RBFOX3: variants seen among roughly 807,000 people sequenced by gnomAD.
RBFOX3 encodes RNA binding protein fox-1 homolog 3.
In RBFOX3, 17 loss-of-function variants were observed where a neutral mutation model predicts 48.7. The observed-to-expected ratio is 0.35, with a 90% CI of 0.24 to 0.52. The LOEUF (loss-of-function observed/expected upper bound fraction) is 0.52, where lower values mean the gene tolerates loss of function less well. Ranked by LOEUF, RBFOX3 falls within the 20% of genes least tolerant of loss-of-function variation. The pLI, the probability that RBFOX3 is intolerant of heterozygous loss-of-function variation, is 0.94. For synonymous variants in RBFOX3, 212 were observed against 209.5 expected, an observed-to-expected ratio of 1.01 and a Z score of -0.10; for missense variants, 382 against 497.5, an observed-to-expected ratio of 0.77 and a Z score of 2.21.
intron 4 of RBFOX3, among the ~76,000 whole-genome samples, chr17:79,155,172 G>A (rs538781679): frequency 2.2e-4 from 33 of 152,356 alleles, no homozygotes; most frequent in African/African-American, 7.0e-4. Flanking sequence ...GTCCCTCCCC[G>A]CCCGGGGCTC....
chr17:79,221,562 G>A lies in RBFOX3; in HGVS notation c.-34+14204C>T, dbSNP rs181204824. Among the ~76,000 whole-genome samples, 385 of 152,358 alleles carry A rather than the reference G, an allele frequency of 2.5e-3. 4 individuals are homozygous for A. The highest frequency in any genetic ancestry group is 3.6e-3 in the Non-Finnish European group (247 of 68,030). Reference sequence around the variant, plus strand: ...AAACACCCAGGACTTTCCTTCCCTGGAGGGTAACTTGGGTCCCCCAACCCA... The same window carrying A: ...AAACACCCAGGACTTTCCTTCCCTGAAGGGTAACTTGGGTCCCCCAACCCA... On this transcript the variant is annotated intron_variant, in intron 4 of 14. Transcript: ENST00000693108.
At chr17:79,174,412 G>A (rs527938356) in intron 4 of RBFOX3, among the ~76,000 whole-genome samples, 110 of 149,050 alleles carry the variant, frequency 7.4e-4, no homozygotes, top group African/African-American at 2.5e-3. Context: ...ACTCAGACAC[G>A]CACACATGCA....
At chr17:79,442,894 C>T (rs1448161241) in intron 2 of RBFOX3, among the ~76,000 whole-genome samples, 2 of 152,174 alleles carry the variant, frequency 1.3e-5, no homozygotes, top group Non-Finnish European at 2.9e-5. Flanking sequence ...GATTCCACTC[C>T]TTGCTTCTGG....
At chr17:79,536,841 T>A (rs2088851188) in intron 1 of RBFOX3, among the ~76,000 whole-genome samples, 1 of 152,106 alleles carries the variant, frequency 6.6e-6, no homozygotes, top group Non-Finnish European at 1.5e-5. Flanking sequence ...ATCCCAGCGC[T>A]TTGGGAGGCC....
chr17:79,143,677 C>T lies in RBFOX3; in HGVS notation c.-33-27929G>A, dbSNP rs754875648. Among the ~76,000 whole-genome samples the T allele has an allele frequency of 8.5e-5, 13 of 152,308 alleles. No individual in the cohort carries two copies. The South Asian group carries it at 1.2e-3, about 15-fold the overall frequency. On this transcript the variant is annotated intron_variant, in intron 4 of 14. Coordinates refer to ENST00000693108, the MANE Select transcript of RBFOX3 (RefSeq NM_001350451.2). ...TGCAGGAGCTCCCTAGGGACAGGAA[C>T]GGGGTAGGGGACCGTCGTCCTCCAG...
chr17:79,413,210 G>A (rs952960174), intron 2 of RBFOX3, among the ~76,000 whole-genome samples: 3 of 152,190 alleles, frequency 2.0e-5, no homozygotes, highest in East Asian at 1.9e-4. Context: ...AGGGCAGGCC[G>A]GGGCACCCCT....
intron 1 of RBFOX3, among the ~76,000 whole-genome samples, chr17:79,570,705 G>A (rs2092644360): frequency 6.6e-6 from 1 of 152,128 alleles, no homozygotes; most frequent in African/African-American, 2.4e-5. Context: ...CACCCCTGGG[G>A]ACCCTGACTC....
rs555522220 is a variant in RBFOX3, at chr17:79,139,388, G to A, written c.-33-23640C>T. On this transcript the variant is annotated intron_variant, in intron 4 of 14. Transcript: ENST00000693108. The stretch of plus-strand genomic sequence containing the variant: ...TGTCATCCAGATGACCTGCCCAGCC[G>A]CATCTTGGCCCTGCTGGCTGCACTT... Among the ~76,000 whole-genome samples, 6 of 152,360 alleles carry A rather than the reference G, an allele frequency of 3.9e-5. No homozygotes were observed. In the East Asian group the frequency reaches 5.8e-4, roughly 15 times the overall value.
At chr17:79,369,147 C>T (rs1003481630) in intron 2 of RBFOX3, among the ~76,000 whole-genome samples, 1 of 152,184 alleles carries the variant, frequency 6.6e-6, no homozygotes, top group African/African-American at 2.4e-5. Flanking sequence ...TCCGGTGGCA[C>T]TGTGCCACTC....
intron 2 of RBFOX3, among the ~76,000 whole-genome samples, chr17:79,369,220 C>A (rs187755857): frequency 4.5e-4 from 68 of 152,246 alleles, no homozygotes; most frequent in South Asian, 6.2e-4. Flanking sequence ...CCGGGGTTGA[C>A]CTGTGGCACC....
intron 2 of RBFOX3, among the ~76,000 whole-genome samples, chr17:79,377,059 G>T (rs931608233): frequency 6.6e-6 from 1 of 152,070 alleles, no homozygotes; most frequent in Non-Finnish European, 1.5e-5. Context: ...AACCGCAGTG[G>T]GCAAAACACC....
chr17:79,277,015 C>T (rs974163059), intron 3 of RBFOX3, among the ~76,000 whole-genome samples: 1 of 152,204 alleles, frequency 6.6e-6, no homozygotes, highest in African/African-American at 2.4e-5. Flanking sequence ...ATGATGACGT[C>T]AGCCTCGGCC....
intron 2 of RBFOX3, among the ~76,000 whole-genome samples, chr17:79,356,226 G>C (rs2084952130): frequency 6.6e-6 from 1 of 152,050 alleles, no homozygotes; most frequent in Non-Finnish European, 1.5e-5. Flanking sequence ...CCAGGAGCAG[G>C]ACATACTTGC....
the RBFOX3 span, among the ~76,000 whole-genome samples, chr17:79,662,274 C>T: frequency 6.6e-6 from 1 of 151,628 alleles, no homozygotes; most frequent in Admixed American, 6.6e-5. Context: ...AGGCGCCCAC[C>T]ACCACACCTG....
At chr17:79,624,980 G>A in the RBFOX3 span, among the ~76,000 whole-genome samples, 1 of 152,148 alleles carries the variant, frequency 6.6e-6, no homozygotes, top group Non-Finnish European at 1.5e-5. Context: ...ATGTGTGTGT[G>A]TTTAAAGGGC....
At chr17:79,271,105 T>C (rs192278681) in intron 3 of RBFOX3, among the ~76,000 whole-genome samples, 155 of 152,214 alleles carry the variant, frequency 1.0e-3, no homozygotes, top group African/African-American at 3.4e-3. Flanking sequence ...GACGGAGTTT[T>C]GCTGTTGTCA....
chr17:79,351,244 C>A (rs1373974648), intron 2 of RBFOX3, among the ~76,000 whole-genome samples: 1 of 152,236 alleles, frequency 6.6e-6, no homozygotes, highest in Non-Finnish European at 1.5e-5. Flanking sequence ...CTCTGAGTCG[C>A]TGTGTTCAAT....
At chr17:79,156,386 G>C (rs1343219106) in intron 4 of RBFOX3, among the ~76,000 whole-genome samples, 1 of 151,982 alleles carries the variant, frequency 6.6e-6, no homozygotes, top group Non-Finnish European at 1.5e-5. Flanking sequence ...TGGTTGGGAG[G>C]GTCCCCATTC....
intron 4 of RBFOX3, among the ~76,000 whole-genome samples, chr17:79,173,219 A>AATAAATACATACATACATACATACATAC (rs2049763057): frequency 1.3e-5 from 2 of 150,592 alleles, no homozygotes; most frequent in African/African-American, 4.9e-5. Flanking sequence ...TAAATAAATA[A>AATAAATACATACATACATACATACATAC]ATACATACAT....
Sources: gnomAD v4.1 joint callset for allele counts (sites outside exome capture counted in the v4.1 genomes callset) on GRCh38, gnomAD v4.1.1 for gene constraint, MANE v1.5 for transcripts, NCBI Gene and HGNC (gene_info 2026-07-23, HGNC 2026-07-21) for gene names.